Variants in ABLIM1 observed in about 807,000 individuals in gnomAD.
The protein encoded by ABLIM1 is actin binding LIM protein 1.
A neutral mutation model predicts 107.0 loss-of-function variants in ABLIM1; 40 were observed. The ratio of observed to expected loss-of-function variants is 0.37; its 90% CI spans 0.29 to 0.49. ABLIM1 has a LOEUF of 0.49. Ranked by LOEUF, ABLIM1 falls within the 20% of genes least tolerant of loss-of-function variation. ABLIM1 has a pLI of 0.97. For missense variants in ABLIM1, 857 were observed against 1,008.5 expected, an observed-to-expected ratio of 0.85 and a Z score of 2.04; for synonymous variants, 357 against 357.3, an observed-to-expected ratio of 1.00 and a Z score of 0.01.
chr10:114,631,986 G>A (rs754199638), intron 1 of ABLIM1: 207 of 1,301,088 alleles, frequency 1.6e-4, no homozygotes, highest in Admixed American at 1.0e-3. Flanking sequence ...GTGGAAGCGC[G>A]CCTCGGCAGA....
intron 7 of ABLIM1, among the ~76,000 whole-genome samples, chr10:114,488,890 C>T (rs1431382580): frequency 1.3e-5 from 2 of 152,122 alleles, no homozygotes; most frequent in Non-Finnish European, 2.9e-5. Flanking sequence ...TGGGGATGGA[C>T]AGAACTTAAA....
intron 2 of ABLIM1, among the ~76,000 whole-genome samples, chr10:114,577,306 T>C (rs2139040382): frequency 6.6e-6 from 1 of 152,312 alleles, no homozygotes. Flanking sequence ...CTCAGTGACA[T>C]CAAGTTCTGA....
At chr10:114,678,381 G>A (rs1326002943) in intron 1 of ABLIM1, among the ~76,000 whole-genome samples, 3 of 152,206 alleles carry the variant, frequency 2.0e-5, no homozygotes, top group African/African-American at 7.2e-5. Flanking sequence ...AGCATGTCTC[G>A]TTAAGCTAAA....
chr10:114,779,684 G>C, the ABLIM1 span: 18 of 152,172 alleles, frequency 1.2e-4, no homozygotes, highest in East Asian at 3.9e-4. Flanking sequence ...GATGCATATT[G>C]ATCTATTTTA....
intron 1 of ABLIM1, among the ~76,000 whole-genome samples, chr10:114,724,456 T>TTG (rs2081915652): frequency 6.6e-6 from 1 of 152,166 alleles, no homozygotes; most frequent in Non-Finnish European, 1.5e-5. Context: ...TGTTTCTGCC[T>TTG]CAGGCCATGA....
intron 1 of ABLIM1, among the ~76,000 whole-genome samples, chr10:114,681,756 C>A (rs1284859631): frequency 6.6e-6 from 1 of 152,222 alleles, no homozygotes; most frequent in Non-Finnish European, 1.5e-5. Flanking sequence ...GAGCCTATGA[C>A]TCAGACAGAA....
intron 1 of ABLIM1, among the ~76,000 whole-genome samples, chr10:114,767,182 G>A (rs2082915196): frequency 6.6e-6 from 1 of 151,924 alleles, no homozygotes. Flanking sequence ...TTAAAGCTTC[G>A]GAGTTTAAAA....
intron 1 of ABLIM1, among the ~76,000 whole-genome samples, chr10:114,683,371 T>C (rs930215899): frequency 2.6e-5 from 4 of 152,232 alleles, no homozygotes; most frequent in Non-Finnish European, 5.9e-5. Context: ...ATCATGCTCA[T>C]TTACAGGAGA....
At chr10:114,443,098 C>G (rs559830308) in intron 17 of ABLIM1, among the ~76,000 whole-genome samples, 2 of 152,062 alleles carry the variant, frequency 1.3e-5, no homozygotes, top group Admixed American at 1.3e-4. Context: ...TTGGTCTCCC[C>G]ACTAAATGCA....
rs908210676 is a variant in ABLIM1 at position 114,526,782 on chromosome 10, A to C, written c.894+18223T>G. The C allele has an allele frequency of 3.2e-5, 32 of 985,422 alleles. No individual in the cohort carries two copies. The African/African-American group carries it at 5.6e-4, about 17-fold the overall frequency. 61.0% of individuals were successfully genotyped at this position (985,422 alleles called of 1,614,324 possible). A position where few individuals can be genotyped will look rare whatever the true frequency, so the allele number is the denominator to read the frequency against. On this transcript the variant is annotated intron_variant, in intron 6 of 22. Transcript: ENST00000533213. ...TGTAGATGCCAGACCTCAGCCCGAC[A>C]GACTGAGGCTCCCACCTGCCTGGGT... is the stretch of plus-strand genomic sequence containing the variant.
intron 13 of ABLIM1, 124 bp downstream of exon 13, chr10:114,453,255 A>T: frequency 9.8e-7 from 1 of 1,016,844 alleles, no homozygotes; most frequent in East Asian, 2.5e-5. Context: ...CAGATCCTGC[A>T]ATTTAGGGTT....
intron 1 of ABLIM1, among the ~76,000 whole-genome samples, chr10:114,617,520 G>A (rs1033480105): frequency 2.0e-5 from 3 of 151,560 alleles, no homozygotes; most frequent in Admixed American, 2.0e-4. Flanking sequence ...CACCCGCCTC[G>A]CCCTCCCAAA....
At chr10:114,768,641 C>G (rs369995008), upstream of ABLIM1, among the ~76,000 whole-genome samples, 23 of 152,086 alleles carry the variant, frequency 1.5e-4, no homozygotes, top group East Asian at 4.3e-3. Context: ...GTCGGCCAGG[C>G]TCTCGGAAAG....
upstream of ABLIM1, among the ~76,000 whole-genome samples, chr10:114,772,058 G>A (rs568780946): frequency 1.3e-5 from 2 of 152,100 alleles, no homozygotes; most frequent in Admixed American, 6.5e-5. Context: ...TCTTCTTTCT[G>A]CATAACTTCA....
intron 1 of ABLIM1, among the ~76,000 whole-genome samples, chr10:114,704,223 T>C (rs1968122): frequency 0.46 from 66,029 of 142,992 alleles, 16,286 homozygotes; most frequent in South Asian, 0.58. Context: ...TTCTAGTTAG[T>C]GACTCGAACA....
chr10:114,574,940 C>A (rs2072289167), intron 3 of ABLIM1, among the ~76,000 whole-genome samples: 2 of 152,194 alleles, frequency 1.3e-5, no homozygotes, highest in Admixed American at 6.5e-5. Flanking sequence ...ATAGGCCACA[C>A]ACAAGTGGGA....
At chr10:114,585,838 T>A (rs142933992) in intron 2 of ABLIM1, among the ~76,000 whole-genome samples, 27 of 152,286 alleles carry the variant, frequency 1.8e-4, no homozygotes, top group Middle Eastern at 6.8e-3. Flanking sequence ...ATGATTGACA[T>A]CTGGCCTTTA....
intron 1 of ABLIM1, chr10:114,767,986 C>T: frequency 2.4e-6 from 1 of 410,018 alleles, no homozygotes; most frequent in Non-Finnish European, 4.9e-6. Context: ...GCGCGGCTGT[C>T]GCAGCCCCCC....
intron 1 of ABLIM1, among the ~76,000 whole-genome samples, chr10:114,695,368 C>T (rs966943048): frequency 6.6e-6 from 1 of 152,124 alleles, no homozygotes; most frequent in African/African-American, 2.4e-5. Flanking sequence ...CTCACACCCC[C>T]CACTGGAGTA....
Sources: gnomAD v4.1 joint callset for allele counts (sites outside exome capture counted in the v4.1 genomes callset) on GRCh38, gnomAD v4.1.1 for gene constraint, MANE v1.5 for transcripts, NCBI Gene and HGNC (gene_info 2026-07-23, HGNC 2026-07-21) for gene names.